DOCK3: variants seen among roughly 807,000 people sequenced by gnomAD.
DOCK3 encodes dedicator of cytokinesis 3.
Under a neutral mutation model 265.6 loss-of-function variants are expected in DOCK3, and 60 were observed. That is an observed-to-expected ratio of 0.23 (90% CI 0.18 to 0.28). DOCK3 has a LOEUF of 0.28. DOCK3 is among the 10% of genes least tolerant of loss of function. The probability of loss-of-function intolerance (pLI) is 1.00; values close to 1 mark genes in which losing one functional copy is unlikely to be tolerated. For missense variants in DOCK3, 1,981 were observed against 2,594.3 expected (o/e 0.76, Z 5.14); for synonymous variants, 881 against 938.0 (o/e 0.94, Z 1.11).
intron 5 of DOCK3, among the ~76,000 whole-genome samples, chr3:50,953,874 C>T (rs2076659825): frequency 6.6e-6 from 1 of 152,080 alleles, no homozygotes; most frequent in Admixed American, 6.5e-5. Flanking sequence ...TCTCACACAA[C>T]AAAACAACTG....
chr3:51,349,082 A>G (rs1004463516), intron 39 of DOCK3, 144 bp downstream of exon 39: 1 of 755,240 alleles, frequency 1.3e-6, no homozygotes, highest in Non-Finnish European at 2.1e-6. Flanking sequence ...GGACACTTGC[A>G]GTCTGACTAG....
chr3:51,254,904 G>T (rs1454783572), intron 22 of DOCK3, among the ~76,000 whole-genome samples: 2 of 152,152 alleles, frequency 1.3e-5, no homozygotes, highest in Non-Finnish European at 2.9e-5. Flanking sequence ...ATTTGATCCT[G>T]TCATTATGAT....
intron 5 of DOCK3, among the ~76,000 whole-genome samples, chr3:51,053,504 C>CTCTGCCTCCCAGGT (rs2081084787): frequency 6.6e-6 from 1 of 151,292 alleles, no homozygotes; most frequent in South Asian, 2.1e-4. Context: ...TCCCTGCAAG[C>CTCTGCCTCCCAGGT]TCTGCCTCCC....
chr3:51,279,234 A>G (rs1365908349), intron 26 of DOCK3, among the ~76,000 whole-genome samples: 1 of 152,166 alleles, frequency 6.6e-6, no homozygotes, highest in African/African-American at 2.4e-5. Flanking sequence ...ACTGGGTGAT[A>G]AGAGCAAAAC....
intron 5 of DOCK3, among the ~76,000 whole-genome samples, chr3:50,978,195 G>T (rs577079294): frequency 2.0e-5 from 3 of 150,178 alleles, no homozygotes; most frequent in Non-Finnish European, 3.0e-5. Context: ...GAGGAACTGC[G>T]TTCCTTTGGA....
intron 2 of DOCK3, among the ~76,000 whole-genome samples, chr3:50,796,496 G>A (rs1167702927): frequency 2.6e-5 from 4 of 151,916 alleles, no homozygotes; most frequent in Admixed American, 6.6e-5. Context: ...GCGTCACCAC[G>A]CTCGGCTAAT....
intron 27 of DOCK3, among the ~76,000 whole-genome samples, chr3:51,291,302 G>T (rs1217281608): frequency 2.0e-5 from 3 of 151,718 alleles, no homozygotes; most frequent in Non-Finnish European, 4.4e-5. Flanking sequence ...AGAAATATCA[G>T]AGTAGAAGTA....
intron 5 of DOCK3, among the ~76,000 whole-genome samples, chr3:51,019,562 C>T (rs1225640564): frequency 6.6e-6 from 1 of 151,798 alleles, no homozygotes; most frequent in South Asian, 2.1e-4. Context: ...CACAGATCAA[C>T]CCATCACCTA....
chr3:51,349,765 C>G (rs1485877138), intron 39 of DOCK3, among the ~76,000 whole-genome samples: 1 of 152,124 alleles, frequency 6.6e-6, no homozygotes, highest in East Asian at 1.9e-4. Flanking sequence ...GAGTGAGTAC[C>G]AGTGCTGTTG....
At chr3:51,365,684 T>G (rs531742938) in intron 49 of DOCK3, among the ~76,000 whole-genome samples, 64 of 152,242 alleles carry the variant, frequency 4.2e-4, no homozygotes, top group African/African-American at 1.5e-3. Flanking sequence ...TTATTGAGAG[T>G]TTTTAGCATG....
chr3:51,060,481 C>T (rs1198957068), intron 5 of DOCK3, among the ~76,000 whole-genome samples: 1 of 152,154 alleles, frequency 6.6e-6, no homozygotes, highest in African/African-American at 2.4e-5. Flanking sequence ...TGCCTGTGTC[C>T]TGAATGGTAC....
At chr3:50,832,668 G>T (rs1467559491) in intron 2 of DOCK3, among the ~76,000 whole-genome samples, 1 of 152,146 alleles carries the variant, frequency 6.6e-6, no homozygotes, top group African/African-American at 2.4e-5. Context: ...TCAAGATGGA[G>T]TTGCTTTTAT....
chr3:51,311,202 T>C (rs1472559358), intron 28 of DOCK3, among the ~76,000 whole-genome samples: 1 of 152,228 alleles, frequency 6.6e-6, no homozygotes, highest in Non-Finnish European at 1.5e-5. Flanking sequence ...CAGCTTTTTC[T>C]TTCAAAGCTT....
chr3:51,063,732 G>A (rs2081498654), intron 5 of DOCK3, among the ~76,000 whole-genome samples: 1 of 152,074 alleles, frequency 6.6e-6, no homozygotes. Context: ...TTTTTCTGAA[G>A]CATCTATTCT....
chr3:50,964,854 G>A (rs1277752450), intron 5 of DOCK3, among the ~76,000 whole-genome samples: 2 of 151,966 alleles, frequency 1.3e-5, no homozygotes, highest in African/African-American at 4.8e-5. Flanking sequence ...AAAAGCAGTG[G>A]TAAAGAGAAT....
intron 3 of DOCK3, chr3:50,877,338 CT>C: frequency 2.4e-6 from 1 of 416,958 alleles, no homozygotes; most frequent in East Asian, 6.3e-5. Flanking sequence ...CTCAGTTGAA[CT>C]TCTTTCAGCA....
chr3:50,897,729 G>A (rs2048969881), intron 4 of DOCK3, among the ~76,000 whole-genome samples: 1 of 142,394 alleles, frequency 7.0e-6, no homozygotes, highest in Non-Finnish European at 1.5e-5. Flanking sequence ...CATCTATTGA[G>A]ATAATCATGT....
chr3:50,693,575 G>A (rs762979056), intron 1 of DOCK3, among the ~76,000 whole-genome samples: 23 of 111,500 alleles, frequency 2.1e-4, no homozygotes, highest in Non-Finnish European at 3.5e-4. Flanking sequence ...TCACTCTGTC[G>A]CCCAGGCTAG....
intron 8 of DOCK3, 114 bp downstream of exon 8, chr3:51,089,398 G>T: frequency 7.6e-7 from 1 of 1,316,082 alleles, no homozygotes; most frequent in Non-Finnish European, 1.1e-6. Flanking sequence ...TGACTGTGTG[G>T]TGTCTTTATC....
Sources: allele counts gnomAD v4.1 joint callset (sites outside exome capture counted in the v4.1 genomes callset), GRCh38; gene constraint gnomAD v4.1.1; transcripts MANE v1.5; gene names NCBI Gene and HGNC (gene_info 2026-07-23, HGNC 2026-07-21).